The following IFIT5 variants were observed in gnomAD, a reference collection of about 807,000 sequenced individuals.
IFIT5 encodes interferon-induced protein with tetratricopeptide repeats 5.
A neutral mutation model predicts 5.0 loss-of-function variants in IFIT5; 2 were observed. That is an observed-to-expected ratio of 0.40 (90% CI 0.16 to 1.26). The LOEUF (loss-of-function observed/expected upper bound fraction) is 1.26, where lower values mean the gene tolerates loss of function less well. Ranked by LOEUF, IFIT5 falls within the 50% of genes most tolerant of loss-of-function variation. The pLI, the probability that IFIT5 is intolerant of heterozygous loss-of-function variation, is 0.33. For missense variants in IFIT5, 524 were observed against 563.2 expected (o/e 0.93, Z 0.70); for synonymous variants, 206 against 204.6 (o/e 1.01, Z -0.06).
chr10:89,414,732 C>A lies in IFIT5; in HGVS notation c.-67C>A. The A allele has an allele frequency of 6.4e-7, 1 of 1,567,606 alleles. No individual in the cohort carries two copies. The highest frequency in any genetic ancestry group is 1.9e-5 in the Admixed American group (1 of 52,970). ...GCCCACCGCGCGGCTTCCCGCGGTC[C>A]CCGGTGCTGAGGAGAGAGCGATCCG... is the stretch of plus-strand genomic sequence containing the variant. On this transcript the variant is annotated 5_prime_UTR_variant, in exon 1 of 2. Transcript: ENST00000371795.
chr10:89,418,450 A>G lies in IFIT5; in HGVS notation c.1251A>G (p.Thr417=), dbSNP rs1841565864. 1 of 1,614,046 alleles carries G rather than the reference A, an allele frequency of 6.2e-7. No homozygotes were observed. The highest frequency in any genetic ancestry group is 8.5e-7 in the Non-Finnish European group (1 of 1,180,012). ...GATCACCCCTTCGCACCAAACTGAC[A>G]AGTGCTCTGAAGAAATTGTCTACCA... ...KDRSPLRTKL[T]SALKKLSTKR... The change falls in exon 2 of 2, where the codon ACA becomes ACG. Residue 417 remains threonine (T), a synonymous_variant. Transcript: ENST00000371795.
Position 89,417,233 on chromosome 10 carries a change from A to G in IFIT5, c.34A>G (p.Ile12Val), listed in dbSNP as rs1056527462. Residue 12 changes from isoleucine to valine, a missense_variant, in exon 2 of 2, where the codon ATT becomes GTT. Ile to Val is a conservative substitution (Grantham distance 29). Coordinates refer to ENST00000371795, the MANE Select transcript of IFIT5 (RefSeq NM_012420.3). ...AATTCGTAAGGACACCTTGAAGGCC[A>G]TTCTGTTGGAGTTAGAATGTCATTT... ...SEIRKDTLKA[I>V]LLELECHFTW... 6.2e-6 allele frequency: 10 copies of G among 1,604,680 alleles called. No individual in the cohort carries two copies. Among genetic ancestry groups the G allele is most frequent in the Non-Finnish European group, 8.5e-6 (10 of 1,173,102 alleles).
In IFIT5 at chr10:89,418,242, A is replaced by T. The variant is rs1309274096; in HGVS notation, c.1043A>T (p.Tyr348Phe). 6 of 1,614,238 alleles carry T rather than the reference A, an allele frequency of 3.7e-6. No homozygotes were observed. Among genetic ancestry groups the T allele is most frequent in the Non-Finnish European group, 3.4e-6 (4 of 1,180,022 alleles). ...GCCTACACAGACCTGGCCAACATGT[A>T]CGCTGAAGGAGGCCAGTATAGCAAT... The part of the protein sequence containing the change: ...AFAYTDLANM[Y>F]AEGGQYSNAE... Residue 348 changes from tyrosine (Y) to phenylalanine (F), a missense_variant, in exon 2 of 2, where the codon TAC (tyrosine) becomes TTC (phenylalanine). Transcript: ENST00000371795.
chr10:89,415,733 T>C (rs1167181310), intron 1 of IFIT5, among the ~76,000 whole-genome samples: 1 of 151,936 alleles, frequency 6.6e-6, no homozygotes, highest in African/African-American at 2.4e-5. Context: ...ACTAGTTGAG[T>C]GATCCCAAAG....
In IFIT5 at chr10:89,419,099, G is replaced by A. The variant is rs540422057; in HGVS notation, c.*451G>A. 3 of 152,814 alleles carry A rather than the reference G, an allele frequency of 2.0e-5. No individual in the cohort carries two copies. In the East Asian group the frequency reaches 5.8e-4, roughly 29 times the overall value. 9.5% of individuals were successfully genotyped at this position (152,814 alleles called of 1,614,324 possible). On this transcript the variant is annotated 3_prime_UTR_variant, in exon 2 of 2. Coordinates refer to ENST00000371795, the MANE Select transcript of IFIT5 (RefSeq NM_012420.3). ...AAGACAGCACTTTTTAGTTACAGAT[G>A]TTTTGACTTTGATGAGGATATTTAG...
At position 89,418,388 on chromosome 10, in the gene IFIT5, A is replaced by ATCCATC; in HGVS notation, c.1190_1195dup (p.His398_His399insLeuHis). ...TCACCGTAAATCAGAAAATACTGCC[A>ATCCATC]TCCATCATTATTTAGAAGCCTTAAA... On this transcript the variant is annotated inframe_insertion, in exon 2 of 2. Coordinates refer to ENST00000371795, the MANE Select transcript of IFIT5 (RefSeq NM_012420.3). The ATCCATC allele has an allele frequency of 6.2e-7, 1 of 1,614,224 alleles. No individual in the cohort carries two copies. The highest frequency in any genetic ancestry group is 8.5e-7 in the Non-Finnish European group (1 of 1,180,024).
intron 1 of IFIT5, among the ~76,000 whole-genome samples, chr10:89,415,968 G>C (rs1841532293): frequency 6.6e-6 from 1 of 152,196 alleles, no homozygotes; most frequent in Non-Finnish European, 1.5e-5. Flanking sequence ...TGTCACCCAG[G>C]CTGTAGTGTA....
rs1463942743 is a variant in IFIT5, at chr10:89,417,800, C to A, written c.601C>A (p.Leu201Met). 1 of 1,614,024 alleles carries A rather than the reference C, an allele frequency of 6.2e-7. No individual in the cohort carries two copies. The highest frequency in any genetic ancestry group is 8.5e-7 in the Non-Finnish European group (1 of 1,180,028). ...AGAAGGGTCTGTAAAGAGCTTTTCT[C>A]TGGGGCCTTTGAGAAAGGCTGTTAC... ...DREGSVKSFS[L>M]GPLRKAVTLN... Residue 201 changes from leucine (L) to methionine (M), a missense_variant, in exon 2 of 2, where the codon CTG becomes ATG. Physicochemically the swap from Leu to Met is conservative, Grantham distance 15 (BLOSUM62 2). Transcript: ENST00000371795.
At position 89,418,731 on chromosome 10, in the gene IFIT5, CTTGT is replaced by C. The variant is rs1841570789; in HGVS notation, c.*86_*89del. On this transcript the variant is annotated 3_prime_UTR_variant, in exon 2 of 2. Coordinates refer to ENST00000371795, the MANE Select transcript of IFIT5 (RefSeq NM_012420.3). ...TGTTTTTTTTTTATTATTTTAATCC[CTTGT>C]TTATTATAGAGCTAATATTTATTGA... 7.4e-7 allele frequency: 1 copy of C among 1,355,560 alleles called. No individual in the cohort carries two copies. The allele number at this position is 1,355,560 out of a possible 1,614,324, so 84.0% of individuals were successfully genotyped here.
Position 89,417,753 on chromosome 10 carries a change from ATC to A in IFIT5, c.555_556del (p.Tyr185Ter). The A allele has an allele frequency of 1.2e-6, 2 of 1,614,220 alleles. No individual in the cohort carries two copies. The highest frequency in any genetic ancestry group is 1.7e-6 in the Non-Finnish European group (2 of 1,180,018). ...AACATCGGCTATGCTATCACAGTGT[ATC>A]GGCTGGATGATTCTGATAGAGAAGG... On this transcript the variant is annotated stop_gained and frameshift_variant, in exon 2 of 2. Coordinates refer to ENST00000371795, the MANE Select transcript of IFIT5 (RefSeq NM_012420.3). LOFTEE classifies it low-confidence loss of function (END_TRUNC).
chr10:89,415,827 A>C (rs1448848755), intron 1 of IFIT5, among the ~76,000 whole-genome samples: 1 of 152,216 alleles, frequency 6.6e-6, no homozygotes, highest in Non-Finnish European at 1.5e-5. Context: ...GACAGTAATA[A>C]ATCCTATCAG....
rs1217106663 is a variant in IFIT5 at position 89,418,531 on chromosome 10, T to C, written c.1332T>C (p.Val444=). The C allele has an allele frequency of 1.9e-6, 3 of 1,614,154 alleles. No homozygotes were observed. The South Asian group carries it at 3.3e-5, about 18-fold the overall frequency. The part of the protein sequence containing the change: ...DVQSLSALGF[V]YKLEGEKRQA... ...AGAGTTTAAGTGCCCTAGGGTTTGTTTACAAGCTGGAAGGAGAAAAGAGGC... is the reference window on the plus strand; with the variant it reads ...AGAGTTTAAGTGCCCTAGGGTTTGTCTACAAGCTGGAAGGAGAAAAGAGGC... Residue 444 remains valine (V), a synonymous_variant, in exon 2 of 2, where the codon GTT becomes GTC. Transcript: ENST00000371795.
In IFIT5 at chr10:89,417,222, C is replaced by A. The variant is rs1841546452; in HGVS notation, c.23C>A (p.Thr8Asn). The change falls in exon 2 of 2, where the codon ACC becomes AAC. Residue 8 changes from threonine to asparagine, a missense_variant. By Grantham distance (65) the Thr-to-Asn change is moderately conservative. Coordinates refer to ENST00000371795, the MANE Select transcript of IFIT5 (RefSeq NM_012420.3). MSEIRKD[T>N]LKAILLELEC... ...TTTGACAGTGAAATTCGTAAGGACA[C>A]CTTGAAGGCCATTCTGTTGGAGTTA... 6 of 1,599,554 alleles carry A rather than the reference C, an allele frequency of 3.8e-6. No individual in the cohort carries two copies. The highest frequency in any genetic ancestry group is 5.1e-6 in the Non-Finnish European group (6 of 1,170,298).
At chr10:89,415,374 C>G (rs987272053) in intron 1 of IFIT5, among the ~76,000 whole-genome samples, 3 of 152,204 alleles carry the variant, frequency 2.0e-5, no homozygotes, top group African/African-American at 7.2e-5. Context: ...GTGTGGCATA[C>G]GCGGTTTCGC....
In IFIT5 at chr10:89,418,043, T is replaced by A; in HGVS notation, c.844T>A (p.Ser282Thr). 1 of 1,614,192 alleles carries A rather than the reference T, an allele frequency of 6.2e-7. No individual in the cohort carries two copies. Among genetic ancestry groups the A allele is most frequent in the East Asian group, 2.2e-5 (1 of 44,888 alleles). The change falls in exon 2 of 2, where the codon TCT (serine) becomes ACT (threonine). Residue 282 changes from serine (S) to threonine (T), a missense_variant. Ser to Thr is a moderately conservative substitution (Grantham distance 58). Coordinates refer to ENST00000371795, the MANE Select transcript of IFIT5 (RefSeq NM_012420.3). ...AAAGGCCTTGGAGGTGACACCAACT[T>A]CTTCTTTCCTGCATCACCAGATGGG... The part of the protein sequence containing the change: ...LKKALEVTPT[S>T]SFLHHQMGLC...
chr10:89,415,591 C>T (rs572662188), intron 1 of IFIT5, among the ~76,000 whole-genome samples: 56 of 152,278 alleles, frequency 3.7e-4, no homozygotes, highest in African/African-American at 1.3e-3. Flanking sequence ...CATTTTGTAT[C>T]CCCAGGGGCT....
Position 89,414,602 on chromosome 10 carries a change from A to T in IFIT5, c.-197A>T. ...GCGCTCGGCATCTGATTCAATCTCC[A>T]GTTTCCTGTTCTTGCTGGGGCTGGG... On this transcript the variant is annotated 5_prime_UTR_variant, in exon 1 of 2. Coordinates refer to ENST00000371795, the MANE Select transcript of IFIT5 (RefSeq NM_012420.3). The T allele has an allele frequency of 2.0e-6, 1 of 494,418 alleles. No individual in the cohort carries two copies. Among genetic ancestry groups the T allele is most frequent in the East Asian group, 3.6e-5 (1 of 28,116 alleles). 30.6% of individuals were successfully genotyped at this position (494,418 alleles called of 1,614,324 possible).
At chr10:89,415,746 T>A in intron 1 of IFIT5, among the ~76,000 whole-genome samples, 1 of 150,658 alleles carries the variant, frequency 6.6e-6, no homozygotes, top group East Asian at 1.9e-4. Flanking sequence ...TCCCAAAGTT[T>A]CTCAAACTCT....
chr10:89,418,252 A>G lies in IFIT5; in HGVS notation c.1053A>G (p.Gly351=), dbSNP rs1841562531. Residue 351 remains glycine (G), a synonymous_variant, in exon 2 of 2, where the codon GGA becomes GGG. Coordinates refer to ENST00000371795, the MANE Select transcript of IFIT5 (RefSeq NM_012420.3). ...ACCTGGCCAACATGTACGCTGAAGG[A>G]GGCCAGTATAGCAATGCTGAGGACA... The part of the protein sequence containing the change: ...YTDLANMYAE[G]GQYSNAEDIF... The G allele has an allele frequency of 6.2e-7, 1 of 1,614,102 alleles. No individual in the cohort carries two copies. Among genetic ancestry groups the G allele is most frequent in the African/African-American group, 1.3e-5 (1 of 74,950 alleles).
Sources: allele counts gnomAD v4.1 joint callset (sites outside exome capture counted in the v4.1 genomes callset), GRCh38; gene constraint gnomAD v4.1.1; transcripts MANE v1.5; gene names NCBI Gene and HGNC (gene_info 2026-07-23, HGNC 2026-07-21).